Variants in PRKCH observed in about 807,000 individuals in gnomAD.
The protein encoded by PRKCH is protein kinase C eta.
In PRKCH, 28 loss-of-function variants were observed where a neutral mutation model predicts 82.5. The ratio of observed to expected loss-of-function variants is 0.34; its 90% CI spans 0.25 to 0.47. PRKCH has a LOEUF of 0.47. Ranked by LOEUF, PRKCH falls within the 20% of genes least tolerant of loss-of-function variation. The probability of loss-of-function intolerance (pLI) is 1.00; values close to 1 mark genes in which losing one functional copy is unlikely to be tolerated. For synonymous variants in PRKCH, 322 were observed against 327.4 expected (o/e 0.98, Z 0.18); for missense variants, 705 against 881.8 (o/e 0.80, Z 2.54).
chr14:61,280,595 G>C lies in PRKCH; in HGVS notation c.-19+92927G>C. 1 of 1,592,548 alleles carries C rather than the reference G, an allele frequency of 6.3e-7. No homozygotes were observed. The highest frequency in any genetic ancestry group is 8.5e-7 in the Non-Finnish European group (1 of 1,169,866). ...CGGTCGAGCGGCACCTCGACGTAGG[G>C]CCCGCCGGGCTGGCGCTGGTGCCAA... On this transcript the variant is annotated intron_variant, in intron 1 of 3. Transcript: ENST00000555185. This position sits in a 1 kb window ranked among gnomAD's most constrained non-coding sequence, Gnocchi z 5.0.
At chr14:61,308,894 G>C (rs190909237) in intron 1 of PRKCH, among the ~76,000 whole-genome samples, 2 of 151,902 alleles carry the variant, frequency 1.3e-5, no homozygotes, top group African/African-American at 4.9e-5. Context: ...CTCCCACAAT[G>C]CTGGGATTAC....
rs939135514 is a variant in PRKCH, at chr14:61,235,491, C to T, written c.-19+47823C>T. 4.6e-5 allele frequency among the ~76,000 whole-genome samples: 7 copies of T among 152,172 alleles called. No individual in the cohort carries two copies. In the East Asian group the frequency reaches 5.8e-4, roughly 13 times the overall value. On this transcript the variant is annotated intron_variant, in intron 1 of 3. Coordinates refer to the PRKCH transcript ENST00000555185. ...TGCCCCTACCAGCGCTTGAGCTGTG[C>T]GGGCTCAGGCAATCTTACTAGTTCC...
At chr14:61,457,360 C>A in intron 8 of PRKCH, 41 bp downstream of exon 8, 1 of 1,610,076 alleles carries the variant, frequency 6.2e-7, no homozygotes, top group Non-Finnish European at 8.5e-7. Flanking sequence ...AGTAAGTGTG[C>A]TCTGTGTATG....
intron 1 of PRKCH, among the ~76,000 whole-genome samples, chr14:61,285,308 G>A (rs1251367269): frequency 6.6e-6 from 1 of 152,202 alleles, no homozygotes; most frequent in Non-Finnish European, 1.5e-5. Flanking sequence ...AATATATTTA[G>A]TCTATGCCAA....
intron 9 of PRKCH, among the ~76,000 whole-genome samples, chr14:61,465,828 T>A (rs1885229581): frequency 1.3e-5 from 2 of 152,236 alleles, no homozygotes; most frequent in Non-Finnish European, 2.9e-5. Flanking sequence ...TGTTACGTAG[T>A]TAAATTGTCA....
chr14:61,204,159 T>C (rs2044504790), intron 1 of PRKCH, among the ~76,000 whole-genome samples: 2 of 152,160 alleles, frequency 1.3e-5, no homozygotes. Context: ...TACTGCAGGC[T>C]GGGATTCTGT....
intron 1 of PRKCH, among the ~76,000 whole-genome samples, chr14:61,364,423 C>G (rs1256080625): frequency 2.0e-5 from 3 of 151,974 alleles, no homozygotes; most frequent in East Asian, 3.9e-4. Context: ...TGTGGCTCCC[C>G]AGCCTGTGTG....
chr14:61,387,838 T>G (rs2046611394), intron 1 of PRKCH, among the ~76,000 whole-genome samples: 1 of 152,230 alleles, frequency 6.6e-6, no homozygotes, highest in Non-Finnish European at 1.5e-5. Context: ...CTGTTCTGTT[T>G]TTATTCTACT....
intron 10 of PRKCH, among the ~76,000 whole-genome samples, chr14:61,517,394 T>C (rs533885610): frequency 6.6e-6 from 1 of 152,342 alleles, no homozygotes; most frequent in East Asian, 1.9e-4. Context: ...AGGAACTAGC[T>C]TCAGTGCTGA....
At chr14:61,508,338 C>G (rs1887240994) in intron 10 of PRKCH, among the ~76,000 whole-genome samples, 1 of 152,066 alleles carries the variant, frequency 6.6e-6, no homozygotes, top group Non-Finnish European at 1.5e-5. Context: ...GGGGAGGGAG[C>G]AGCACAGATC....
intron 9 of PRKCH, among the ~76,000 whole-genome samples, chr14:61,480,231 T>G (rs184708272): frequency 6.6e-6 from 1 of 152,220 alleles, no homozygotes; most frequent in African/African-American, 2.4e-5. Context: ...GAGTGGGATT[T>G]GGGAAACCCC....
At chr14:61,265,520 A>G (rs75933075) in intron 1 of PRKCH, among the ~76,000 whole-genome samples, 9,831 of 152,220 alleles carry the variant, frequency 0.065, 362 homozygotes, top group Middle Eastern at 0.082. Flanking sequence ...CAGAGGAGAC[A>G]CAGAACATTA....
intron 10 of PRKCH, among the ~76,000 whole-genome samples, chr14:61,501,234 T>G (rs184343850): frequency 3.9e-5 from 6 of 152,198 alleles, no homozygotes; most frequent in Admixed American, 2.0e-4. Context: ...AGAAAAGTGA[T>G]CCAGGGAAGG....
intron 10 of PRKCH, among the ~76,000 whole-genome samples, chr14:61,510,840 G>A (rs547811139): frequency 6.6e-6 from 1 of 152,092 alleles, no homozygotes; most frequent in Non-Finnish European, 1.5e-5. Context: ...GAATTTTCTG[G>A]CAGATGGCAG....
intron 1 of PRKCH, among the ~76,000 whole-genome samples, chr14:61,262,216 G>T (rs759517091): frequency 8.3e-5 from 6 of 72,350 alleles, no homozygotes; most frequent in South Asian, 8.0e-4. Flanking sequence ...GTGAGACTCT[G>T]TATAAAAAAA....
At position 61,220,066 on chromosome 14, in the gene PRKCH, G is replaced by A. The variant is rs117706283; in HGVS notation, c.-19+32398G>A. Among the ~76,000 whole-genome samples, 61 of 152,266 alleles carry A rather than the reference G, an allele frequency of 4.0e-4. No homozygotes were observed. The East Asian group carries it at 6.6e-3, about 16-fold the overall frequency. On this transcript the variant is annotated intron_variant, in intron 1 of 3. Coordinates refer to the PRKCH transcript ENST00000555185. ...TCCAGCTCAGCGGTTCATGGGAGAC[G>A]CTGCCACAGTACTGGAGAAGCCCTG...
At chr14:61,282,370 G>T (rs892162621) in intron 1 of PRKCH, among the ~76,000 whole-genome samples, 7 of 148,890 alleles carry the variant, frequency 4.7e-5, no homozygotes, top group Non-Finnish European at 8.9e-5. Context: ...CCTAGGTATT[G>T]TGTTCTTGCT....
At chr14:61,322,564 C>T (rs1488705037) in intron 1 of PRKCH, 100 bp downstream of exon 1, 2 of 1,460,242 alleles carry the variant, frequency 1.4e-6, no homozygotes, top group African/African-American at 1.4e-5. Context: ...CGCTTTGTGG[C>T]TGAGGGAATT....
At chr14:61,518,754 C>A (rs2042862289) in intron 10 of PRKCH, among the ~76,000 whole-genome samples, 1 of 152,190 alleles carries the variant, frequency 6.6e-6, no homozygotes, top group African/African-American at 2.4e-5. Flanking sequence ...AGGATGAAGA[C>A]CAACACCTAG....
Sources: gnomAD v4.1 joint callset for allele counts (sites outside exome capture counted in the v4.1 genomes callset) on GRCh38, gnomAD v4.1.1 for gene constraint, Gnocchi (gnomAD v3.1) non-coding constraint, MANE v1.5 for transcripts, NCBI Gene and HGNC (gene_info 2026-07-23, HGNC 2026-07-21) for gene names.